NRXN3: variants seen among roughly 807,000 people sequenced by gnomAD.
NRXN3 encodes neurexin III.
In NRXN3, 32 loss-of-function variants were observed where a neutral mutation model predicts 137.6. The observed-to-expected ratio is 0.23, with a 90% CI of 0.18 to 0.31. The LOEUF (loss-of-function observed/expected upper bound fraction) is 0.31, where lower values mean the gene tolerates loss of function less well. Among genes scored for constraint, NRXN3 ranks in the 10% least tolerant of loss-of-function variants. The pLI is 1.00. For synonymous variants in NRXN3, 798 were observed against 784.5 expected (o/e 1.02, Z -0.29); for missense variants, 1,574 against 2,062.5 (o/e 0.76, Z 4.59).
intron 15 of NRXN3, among the ~76,000 whole-genome samples, chr14:79,427,889 G>A (rs1198719154): frequency 2.0e-5 from 3 of 151,970 alleles, no homozygotes; most frequent in Non-Finnish European, 4.4e-5. Flanking sequence ...ATTTATTCAA[G>A]GAATTGCTAA....
At chr14:78,547,489 T>C (rs1191613663) in intron 4 of NRXN3, among the ~76,000 whole-genome samples, 3 of 152,148 alleles carry the variant, frequency 2.0e-5, no homozygotes, top group Admixed American at 1.3e-4. Flanking sequence ...TTATGTATAA[T>C]TTATGTTTAT....
chr14:78,403,890 G>A (rs1389454614), intron 4 of NRXN3: 5 of 985,120 alleles, frequency 5.1e-6, no homozygotes, highest in Middle Eastern at 5.2e-4. Context: ...TAAGTCTTTC[G>A]GCTCACCTTT....
chr14:78,460,009 C>T (rs760358823), intron 4 of NRXN3, among the ~76,000 whole-genome samples: 6 of 152,240 alleles, frequency 3.9e-5, no homozygotes, highest in Non-Finnish European at 8.8e-5. Flanking sequence ...GGGATTCCCA[C>T]AATCCCCTCC....
chr14:79,711,498 T>G (rs2154051983), intron 19 of NRXN3, among the ~76,000 whole-genome samples: 2 of 151,976 alleles, frequency 1.3e-5, no homozygotes, highest in African/African-American at 4.8e-5. Context: ...TATATATTTA[T>G]TTATAGAGAT....
At chr14:79,150,971 T>C (rs920315596) in intron 15 of NRXN3, among the ~76,000 whole-genome samples, 3 of 152,022 alleles carry the variant, frequency 2.0e-5, no homozygotes, top group African/African-American at 7.2e-5. Context: ...ATGGAACTAG[T>C]TTTCGAGGGT....
chr14:79,110,776 T>TTATG (rs1251065819), intron 15 of NRXN3, among the ~76,000 whole-genome samples: 1 of 147,132 alleles, frequency 6.8e-6, no homozygotes, highest in African/African-American at 2.5e-5. Context: ...ATTTATTTAT[T>TTATG]TATTTATTTA....
intron 15 of NRXN3, among the ~76,000 whole-genome samples, chr14:79,184,144 A>G (rs2063251246): frequency 6.6e-6 from 1 of 152,194 alleles, no homozygotes; most frequent in African/African-American, 2.4e-5. Context: ...GTGTCAAAGA[A>G]TTGATTAGAA....
intron 16 of NRXN3, among the ~76,000 whole-genome samples, chr14:79,505,312 A>C (rs2096867643): frequency 6.6e-6 from 1 of 152,082 alleles, no homozygotes; most frequent in South Asian, 2.1e-4. Context: ...TCATATACAC[A>C]GTCCAATATG....
At chr14:79,246,531 G>T (rs2075212574) in intron 15 of NRXN3, 1 of 152,074 alleles carries the variant, frequency 6.6e-6, no homozygotes, top group Admixed American at 6.6e-5. Flanking sequence ...CCCTTCCCTT[G>T]TGATCTCCAA....
At chr14:79,284,429 T>C (rs915234235) in intron 15 of NRXN3, among the ~76,000 whole-genome samples, 1 of 146,928 alleles carries the variant, frequency 6.8e-6, no homozygotes, top group Non-Finnish European at 1.5e-5. Context: ...TCAGTATTTA[T>C]AGTTTAAATG....
Position 78,615,535 on chromosome 14 carries a change from C to T in NRXN3, c.758-29585C>T, listed in dbSNP as rs938137761. Among the ~76,000 whole-genome samples the T allele has an allele frequency of 9.2e-5, 14 of 151,938 alleles. No individual in the cohort carries two copies. The South Asian group carries it at 1.0e-3, about 11-fold the overall frequency. Reference sequence around the variant, plus strand: ...CTGAGGCAGGAGAATGGCGTGAACCCGGGAGGTGGAGCTTGCAGTGAGCTG... The same window carrying T: ...CTGAGGCAGGAGAATGGCGTGAACCTGGGAGGTGGAGCTTGCAGTGAGCTG... On this transcript the variant is annotated intron_variant, in intron 4 of 20. Transcript: ENST00000335750.
At chr14:78,251,392 A>G (rs560303043) in intron 2 of NRXN3, among the ~76,000 whole-genome samples, 1 of 152,286 alleles carries the variant, frequency 6.6e-6, no homozygotes, top group Admixed American at 6.5e-5. Context: ...TCTCAGTTGC[A>G]CGGGTCCCTT....
At chr14:79,681,480 G>GC (rs1476848861) in intron 17 of NRXN3, among the ~76,000 whole-genome samples, 1 of 152,108 alleles carries the variant, frequency 6.6e-6, no homozygotes, top group Non-Finnish European at 1.5e-5. Context: ...AGTTCAGATA[G>GC]CCGAGTAGGT....
At position 78,736,002 on chromosome 14, in the gene NRXN3, C is replaced by T. The variant is rs144341810; in HGVS notation, c.2044+20863C>T. 1.8e-3 allele frequency among the ~76,000 whole-genome samples: 278 copies of T among 152,294 alleles called. 3 individuals are homozygous for T. The highest frequency in any genetic ancestry group is 6.4e-3 in the African/African-American group (268 of 41,562). ...TATGGCCGTTTCCTATCTGAGAATT[C>T]TCATGACATTCTCATGACACTTCAG... On this transcript the variant is annotated intron_variant, in intron 8 of 20. Coordinates refer to ENST00000335750, the MANE Select transcript of NRXN3 (RefSeq NM_001330195.2).
At chr14:79,214,767 G>A (rs2068225115) in intron 15 of NRXN3, among the ~76,000 whole-genome samples, 1 of 152,102 alleles carries the variant, frequency 6.6e-6, no homozygotes, top group Non-Finnish European at 1.5e-5. Context: ...TACTTTTGTG[G>A]GAAGAAGATA....
In NRXN3 at chr14:79,064,823, G is replaced by GTGTA. The variant is rs1555708053; in HGVS notation, c.3262+76683_3262+76684insGTAT. On this transcript the variant is annotated intron_variant, in intron 15 of 20. Coordinates refer to ENST00000335750, the MANE Select transcript of NRXN3 (RefSeq NM_001330195.2). The stretch of plus-strand genomic sequence containing the variant: ...TATATATGTGTGTGTGTGTGTGTGT[G>GTGTA]TATATATAATTACCCAGAATTAAAC... Among the ~76,000 whole-genome samples the GTGTA allele has an allele frequency of 2.0e-3, 300 of 147,962 alleles. 3 individuals carry two copies. The highest frequency in any genetic ancestry group is 3.7e-3 in the Admixed American group (55 of 14,672).
chr14:79,629,844 C>CGT (rs746313928), intron 16 of NRXN3, among the ~76,000 whole-genome samples: 1 of 113,400 alleles, frequency 8.8e-6, no homozygotes, highest in South Asian at 2.5e-4. Context: ...TGTGTGTGTG[C>CGT]GTGTGTGTGT....
intron 3 of NRXN3, among the ~76,000 whole-genome samples, chr14:78,288,293 T>A (rs942763729): frequency 6.6e-6 from 1 of 152,240 alleles, no homozygotes; most frequent in African/African-American, 2.4e-5. Context: ...ACTCCCTTTT[T>A]CTAGATTAGA....
At chr14:78,490,205 ACCCGGCCT>A (rs2095640914) in intron 4 of NRXN3, among the ~76,000 whole-genome samples, 4 of 25,536 alleles carry the variant, frequency 1.6e-4, no homozygotes, top group Non-Finnish European at 2.6e-4. Context: ...GATCCACCAC[ACCCGGCCT>A]CCCAAAGTGC....
Sources: allele counts gnomAD v4.1 joint callset (sites outside exome capture counted in the v4.1 genomes callset), GRCh38; gene constraint gnomAD v4.1.1; transcripts MANE v1.5; gene names NCBI Gene and HGNC (gene_info 2026-07-23, HGNC 2026-07-21).